Variants in CACNA1G observed in about 807,000 individuals in gnomAD.
CACNA1G encodes the protein voltage-dependent T-type calcium channel subunit alpha-1G.
CACNA1G carries 67 observed loss-of-function variants against 219.4 expected under a neutral mutation model. That is an observed-to-expected ratio of 0.31 (90% confidence interval 0.25 to 0.37). The LOEUF is 0.37. Ranked by LOEUF, CACNA1G falls within the 10% of genes least tolerant of loss-of-function variation. CACNA1G has a pLI of 1.00. For missense variants in CACNA1G, 2,380 were observed against 3,231.4 expected, an observed-to-expected ratio of 0.74 and a Z score of 6.39; for synonymous variants, 1,296 against 1,345.3, an observed-to-expected ratio of 0.96 and a Z score of 0.80.
At chr17:50,597,041 G>A (rs1001701271) in intron 16 of CACNA1G, 118 bp downstream of exon 16, 16 of 938,872 alleles carry the variant, frequency 1.7e-5, no homozygotes, top group African/African-American at 1.7e-5. Context: ...GCTGGATGGG[G>A]CCTGGGTGTG....
At chr17:50,565,870 C>T (rs1045949853) in intron 1 of CACNA1G, among the ~76,000 whole-genome samples, 3 of 152,150 alleles carry the variant, frequency 2.0e-5, no homozygotes, top group Admixed American at 6.5e-5. Flanking sequence ...CTCTCTCTGC[C>T]GTTTCCTTTT....
At chr17:50,564,962 G>C (rs2037251505) in intron 1 of CACNA1G, among the ~76,000 whole-genome samples, 2 of 152,094 alleles carry the variant, frequency 1.3e-5, no homozygotes, top group Non-Finnish European at 2.9e-5. Flanking sequence ...GCTCTGCTGG[G>C]GGACTCCCCA....
Position 50,571,815 on chromosome 17 carries a change from G to A in CACNA1G, c.587-63G>A. The A allele has an allele frequency of 6.3e-7, 1 of 1,578,104 alleles. No individual in the cohort carries two copies. Among genetic ancestry groups the A allele is most frequent in the Non-Finnish European group, 8.7e-7 (1 of 1,154,888 alleles). ...TGGGGCCCCTCCGGGAGTGCTGCCGGGCCGTGGCAGTCAGCCTAGCCCGGC... is the reference window on the plus strand; with the variant it reads ...TGGGGCCCCTCCGGGAGTGCTGCCGAGCCGTGGCAGTCAGCCTAGCCCGGC... On this transcript the variant is annotated intron_variant, in intron 4 of 37. Coordinates refer to ENST00000359106, the MANE Select transcript of CACNA1G (RefSeq NM_018896.5). This position sits in a 1 kb window ranked among gnomAD's most constrained non-coding sequence, Gnocchi z 4.3.
In CACNA1G at chr17:50,560,864, GC is replaced by G. The variant is rs2035410993; in HGVS notation, c.-590del. On this transcript the variant is annotated 5_prime_UTR_variant, in exon 1 of 38. Coordinates refer to ENST00000359106, the MANE Select transcript of CACNA1G (RefSeq NM_018896.5). ...TCCGCCTCCACTCCCGCCCGGGACT[GC>G]CCCCCACTGTCTCCCCGCCCCTCCC... Among the ~76,000 whole-genome samples the G allele has an allele frequency of 2.0e-5, 3 of 152,002 alleles. No homozygotes were observed. Among genetic ancestry groups the G allele is most frequent in the Admixed American group, 2.0e-4 (3 of 15,278 alleles).
At chr17:50,620,074 G>T (rs2146327005) in intron 34 of CACNA1G, among the ~76,000 whole-genome samples, 1 of 152,210 alleles carries the variant, frequency 6.6e-6, no homozygotes, top group South Asian at 2.1e-4. Flanking sequence ...TGGAGGAGGA[G>T]CTTGGGGAGG....
rs1228063813 is a variant in CACNA1G, at chr17:50,575,885, G to A, written c.1483G>A (p.Val495Met). 6.4e-7 allele frequency: 1 copy of A among 1,556,032 alleles called. No individual in the cohort carries two copies. The highest frequency in any genetic ancestry group is 1.9e-5 in the Admixed American group (1 of 51,990). ...CCGCCGCCTATCCGTCCACCACCTG[G>A]TGCACCACCACCACCACCATCACCA... is the stretch of plus-strand genomic sequence containing the variant. ...SHRRLSVHHL[V>M]HHHHHHHHHY... Residue 495 changes from valine (V) to methionine (M), a missense_variant, in exon 8 of 38, where the codon GTG (valine) becomes ATG (methionine). Physicochemically the swap from Val to Met is conservative, Grantham distance 21. Transcript: ENST00000359106.
chr17:50,621,152 G>A lies in CACNA1G; in HGVS notation c.5926-508G>A, dbSNP rs891616166. Among the ~76,000 whole-genome samples the A allele has an allele frequency of 2.0e-5, 3 of 152,270 alleles. No homozygotes were observed. Among genetic ancestry groups the A allele is most frequent in the African/African-American group, 4.8e-5 (2 of 41,470 alleles). ...GCCAAGTCCTGCCAGGCTGTTGGAA[G>A]CCGAGAGAATAGGCAGAAAACAGCC... On this transcript the variant is annotated intron_variant, in intron 34 of 37. Coordinates refer to ENST00000359106, the MANE Select transcript of CACNA1G (RefSeq NM_018896.5). This position sits in a 1 kb window ranked among gnomAD's most constrained non-coding sequence, Gnocchi z 4.6.
chr17:50,602,950 G>T, intron 20 of CACNA1G, 62 bp downstream of exon 20: 2 of 1,612,154 alleles, frequency 1.2e-6, no homozygotes, highest in South Asian at 2.2e-5. Context: ...GACAGCTTGG[G>T]CTGAGGGTGG....
chr17:50,599,817 C>A lies in CACNA1G; in HGVS notation c.3648C>A (p.Asp1216Glu), dbSNP rs756178711. Reference sequence around the variant, plus strand: ...TGGCCCGGGCCCTGCGGCCTGATGACCCCCCACTGGATGGGGATGACGCCG... The same window carrying A: ...TGGCCCGGGCCCTGCGGCCTGATGAACCCCCACTGGATGGGGATGACGCCG... ...GRLARALRPD[D>E]PPLDGDDADD... The change falls in exon 17 of 38, where the codon GAC becomes GAA. Residue 1216 changes from aspartate to glutamate, a missense_variant. Physicochemically the swap from Asp to Glu is conservative, Grantham distance 45 (BLOSUM62 2). Coordinates refer to ENST00000359106, the MANE Select transcript of CACNA1G (RefSeq NM_018896.5). 1.2e-6 allele frequency: 2 copies of A among 1,611,380 alleles called. No individual in the cohort carries two copies. The highest frequency in any genetic ancestry group is 2.2e-5 in the East Asian group (1 of 44,872).
At chr17:50,582,520 A>G (rs2042166523) in intron 9 of CACNA1G, among the ~76,000 whole-genome samples, 1 of 152,156 alleles carries the variant, frequency 6.6e-6, no homozygotes, top group South Asian at 2.1e-4. Context: ...GACATGTTGC[A>G]TACAAGGTGC....
At chr17:50,564,125 AGTGTGTGTGTGTGT>A (rs67152102) in intron 1 of CACNA1G, among the ~76,000 whole-genome samples, 1 of 138,702 alleles carries the variant, frequency 7.2e-6, no homozygotes, top group Non-Finnish European at 1.5e-5. Context: ...CCAGGTAGGA[AGTGTGTGTGTGTGT>A]GTGTGTGTGT....
At chr17:50,569,040 C>G in intron 2 of CACNA1G, 59 bp downstream of exon 2, 3 of 1,228,166 alleles carry the variant, frequency 2.4e-6, no homozygotes, top group Non-Finnish European at 3.3e-6. Flanking sequence ...GTTGGCCCCT[C>G]TTAATCTTAA....
At chr17:50,569,094 G>T (rs1052824534) in intron 2 of CACNA1G, 71 bp from the exon 3 acceptor site, 1 of 1,575,412 alleles carries the variant, frequency 6.3e-7, no homozygotes, top group Non-Finnish European at 8.6e-7. Flanking sequence ...AACTGGTGGG[G>T]ACTAGGGTGG....
chr17:50,571,896 C>T lies in CACNA1G; in HGVS notation c.605C>T (p.Thr202Met), dbSNP rs754097713. The change falls in exon 5 of 38, where the codon ACG becomes ATG. Residue 202 changes from threonine to methionine, a missense_variant. Transcript: ENST00000359106. This position sits in a 1 kb window ranked among gnomAD's most constrained non-coding sequence, Gnocchi z 4.3. ...NRVPSMRILV[T>M]LLLDTLPMLG... ...CCCACAGGCATGCGCATCCTTGTCA[C>T]GTTGCTGCTGGATACGCTGCCCATG... 3.1e-6 allele frequency: 5 copies of T among 1,613,860 alleles called. No individual in the cohort carries two copies. The South Asian group carries it at 3.3e-5, about 11-fold the overall frequency.
Position 50,596,541 on chromosome 17 carries a change from T to G in CACNA1G, c.2980-21T>G. 6.2e-7 allele frequency: 1 copy of G among 1,609,864 alleles called. No individual in the cohort carries two copies. The highest frequency in any genetic ancestry group is 8.5e-7 in the Non-Finnish European group (1 of 1,176,292). ...CCAAGCCTGGCCGGATCCCTAATGG[T>G]CCGCTGCTCCCCTGCCCTAGGGAGA... On this transcript the variant is annotated intron_variant, in intron 14 of 37. Coordinates refer to ENST00000359106, the MANE Select transcript of CACNA1G (RefSeq NM_018896.5). The surrounding 1 kb of genome is among the most constrained non-coding windows in gnomAD (Gnocchi z 4.8).
rs541541250 is a variant in CACNA1G at position 50,619,003 on chromosome 17, C to T, written c.5776C>T (p.Pro1926Ser). The change falls in exon 33 of 38, where the codon CCC (proline) becomes TCC (serine). Residue 1926 changes from proline (P) to serine (S), a missense_variant. Physicochemically the swap from Pro to Ser is moderately conservative, Grantham distance 74. Coordinates refer to ENST00000359106, the MANE Select transcript of CACNA1G (RefSeq NM_018896.5). The part of the protein sequence containing the change: ...RSASHFSLEH[P>S]TDRQLFDTIS... The stretch of plus-strand genomic sequence containing the variant: ...AGCCTCCCACTTTTCCCTGGAGCAC[C>T]CCACGGTGAGCAGACACCCACCCCA... 5.8e-5 allele frequency: 88 copies of T among 1,522,230 alleles called. No homozygotes were observed. In the African/African-American group the frequency reaches 9.8e-4, roughly 17 times the overall value. 94.3% of individuals were successfully genotyped at this position (1,522,230 alleles called of 1,614,324 possible). A position where few individuals can be genotyped will look rare whatever the true frequency, so the allele number is the denominator to read the frequency against.
chr17:50,606,335 C>A, intron 23 of CACNA1G: 1 of 645,180 alleles, frequency 1.5e-6, no homozygotes, highest in Admixed American at 2.3e-5. Flanking sequence ...TGGGGGCAGG[C>A]AGCCCTGGAT....
chr17:50,596,847 C>G lies in CACNA1G; in HGVS notation c.3182C>G (p.Ala1061Gly), dbSNP rs781015006. 26 of 1,604,488 alleles carry G rather than the reference C, an allele frequency of 1.6e-5. No individual in the cohort carries two copies. The highest frequency in any genetic ancestry group is 2.1e-5 in the Non-Finnish European group (25 of 1,176,690). ...PKSTSTGLGE[A>G]LGPASRRTSS... ...AGCACCAGCACGGGCCTGGGCGAGG[C>G]GCTGGGCCCTGCGTCGCGCCGCACC... Residue 1061 changes from alanine (A) to glycine (G), a missense_variant, in exon 16 of 38, where the codon GCG becomes GGG. Transcript: ENST00000359106. This position sits in a 1 kb window ranked among gnomAD's most constrained non-coding sequence, Gnocchi z 4.8.
chr17:50,619,530 TTG>T (rs957118623), intron 33 of CACNA1G, among the ~76,000 whole-genome samples, 151 bp from the exon 34 acceptor site: 1 of 151,736 alleles, frequency 6.6e-6, no homozygotes, highest in Non-Finnish European at 1.5e-5. Flanking sequence ...GTGTGTGTTT[TTG>T]TGTGTGTGCA....
Sources: gnomAD v4.1 joint callset for allele counts (sites outside exome capture counted in the v4.1 genomes callset) on GRCh38, gnomAD v4.1.1 for gene constraint, Gnocchi (gnomAD v3.1) non-coding constraint, MANE v1.5 for transcripts, NCBI Gene and HGNC (gene_info 2026-07-23, HGNC 2026-07-21) for gene names.